The following DNAJC24 variants were observed in gnomAD, a reference collection of about 807,000 sequenced individuals.
DNAJC24 encodes the protein DnaJ heat shock protein family (Hsp40) member C24, also known as dnaJ homolog subfamily C member 24.
In DNAJC24, 17 loss-of-function variants were observed where a neutral mutation model predicts 18.0. The observed-to-expected ratio is 0.94, with a 90% confidence interval of 0.65 to 1.42. The LOEUF is 1.42. Among genes scored for constraint, DNAJC24 ranks in the 40% most tolerant of loss-of-function variants. The pLI is 0.00. For missense variants in DNAJC24, 158 were observed against 175.6 expected (o/e 0.90, Z 0.57); for synonymous variants, 55 against 57.7 (o/e 0.95, Z 0.21).
chr11:31,414,685 G>C (rs777945393), intron 2 of DNAJC24, 126 bp from the exon 3 acceptor site: 13 of 980,198 alleles, frequency 1.3e-5, no homozygotes, highest in Non-Finnish European at 1.7e-5. Context: ...TTGTCTCATT[G>C]CCTTGGCATT....
chr11:31,429,087 CATA>C (rs1952892924), intron 4 of DNAJC24, among the ~76,000 whole-genome samples: 1 of 151,880 alleles, frequency 6.6e-6, no homozygotes, highest in South Asian at 2.1e-4. Flanking sequence ...TGCTGTAGTA[CATA>C]GATGTTGGCT....
chr11:31,404,950 T>C (rs1952640433), intron 2 of DNAJC24, among the ~76,000 whole-genome samples: 1 of 152,022 alleles, frequency 6.6e-6, no homozygotes, highest in Non-Finnish European at 1.5e-5. Context: ...GATTCTGATC[T>C]CTTGTTGTTA....
intron 2 of DNAJC24, chr11:31,396,415 T>G (rs1407036082): frequency 2.7e-6 from 1 of 364,368 alleles, no homozygotes; most frequent in Admixed American, 3.6e-5. Context: ...CCCTCAATTA[T>G]ATGCAAATTT....
chr11:31,390,238 A>G (rs1044271232), intron 2 of DNAJC24, among the ~76,000 whole-genome samples: 2 of 151,980 alleles, frequency 1.3e-5, no homozygotes, highest in Admixed American at 6.6e-5. Context: ...TCTACTAAAT[A>G]TACAAAAATC....
At chr11:31,405,891 G>T (rs570298374) in intron 2 of DNAJC24, among the ~76,000 whole-genome samples, 1 of 152,172 alleles carries the variant, frequency 6.6e-6, no homozygotes, top group African/African-American at 2.4e-5. Context: ...AAACTCAAGC[G>T]CCTGCTACAT....
At chr11:31,390,705 TAAAAAA>T (rs34050503) in intron 2 of DNAJC24, among the ~76,000 whole-genome samples, 2 of 114,094 alleles carry the variant, frequency 1.8e-5, no homozygotes, top group African/African-American at 6.5e-5. Flanking sequence ...GATTCCATCT[TAAAAAA>T]AAAAAAAAAA....
intron 2 of DNAJC24, among the ~76,000 whole-genome samples, chr11:31,379,422 ATTG>A (rs1365083690): frequency 6.6e-6 from 1 of 152,166 alleles, no homozygotes; most frequent in African/African-American, 2.4e-5. Context: ...CCATGGAAAA[ATTG>A]TTTTCCACAA....
rs1345762370 is a variant in DNAJC24 at position 31,432,194 on chromosome 11, A to G, written c.*1793A>G. 9.9e-5 allele frequency among the ~76,000 whole-genome samples: 15 copies of G among 152,234 alleles called. No individual in the cohort carries two copies. The highest frequency in any genetic ancestry group is 1.5e-5 in the Non-Finnish European group (1 of 68,034). On this transcript the variant is annotated 3_prime_UTR_variant, in exon 5 of 5. Transcript: ENST00000465995. ...GCTAAAGTATGAGGTATATTTAAGAAGAATAGATTAGTTTCATTATACCTA... is the reference window on the plus strand; with the variant it reads ...GCTAAAGTATGAGGTATATTTAAGAGGAATAGATTAGTTTCATTATACCTA...
At chr11:31,392,746 G>A (rs866873545) in intron 2 of DNAJC24, among the ~76,000 whole-genome samples, 5 of 139,044 alleles carry the variant, frequency 3.6e-5, no homozygotes, top group African/African-American at 1.1e-4. Flanking sequence ...GTCTTGCTCC[G>A]TCACCCAGGC....
intron 2 of DNAJC24, among the ~76,000 whole-genome samples, chr11:31,393,554 T>C (rs1055356139): frequency 1.3e-5 from 2 of 152,054 alleles, no homozygotes; most frequent in African/African-American, 4.8e-5. Flanking sequence ...CAGTTCCCTC[T>C]TACTCTCTCT....
At chr11:31,392,857 CA>C (rs1297530477) in intron 2 of DNAJC24, among the ~76,000 whole-genome samples, 4 of 151,960 alleles carry the variant, frequency 2.6e-5, no homozygotes, top group Admixed American at 2.0e-4. Flanking sequence ...CCATGTCAGC[CA>C]GCCTGGTCTC....
At chr11:31,417,498 A>C (rs935877491) in intron 3 of DNAJC24, among the ~76,000 whole-genome samples, 1 of 152,112 alleles carries the variant, frequency 6.6e-6, no homozygotes, top group African/African-American at 2.4e-5. Flanking sequence ...AGACCAGGAT[A>C]GGTTACCGAG....
At chr11:31,412,675 C>G (rs895340542) in intron 2 of DNAJC24, among the ~76,000 whole-genome samples, 2 of 152,082 alleles carry the variant, frequency 1.3e-5, no homozygotes, top group African/African-American at 4.8e-5. Flanking sequence ...TTCCTTTTCT[C>G]CAGTGCTTAT....
chr11:31,380,407 G>A (rs1952365042), intron 2 of DNAJC24, among the ~76,000 whole-genome samples: 1 of 152,072 alleles, frequency 6.6e-6, no homozygotes, highest in Non-Finnish European at 1.5e-5. Context: ...TGAAAGTTTT[G>A]TTTTAAAATA....
rs1051431537 is a variant in DNAJC24, at chr11:31,379,408, C to G, written c.111+8549C>G. Among the ~76,000 whole-genome samples, 5 of 152,308 alleles carry G rather than the reference C, an allele frequency of 3.3e-5. No individual in the cohort carries two copies. In the South Asian group the frequency reaches 1.0e-3, roughly 32 times the overall value. ...TTCTGAAACCATACTCCCTACACCC[C>G]CATCCATGGAAAAATTGTTTTCCAC... On this transcript the variant is annotated intron_variant, in intron 2 of 4. Coordinates refer to ENST00000465995, the MANE Select transcript of DNAJC24 (RefSeq NM_181706.5).
In DNAJC24 at chr11:31,430,195, ACT is replaced by A. The variant is rs957129762; in HGVS notation, c.320-73_320-72del. On this transcript the variant is annotated intron_variant, in intron 4 of 4. Coordinates refer to ENST00000465995, the MANE Select transcript of DNAJC24 (RefSeq NM_181706.5). ...TTGTTTTACAATTCCTATGGAATAA[ACT>A]CTGCACCTTTTAAGGGTATTAGTGA... 18 of 1,314,674 alleles carry A rather than the reference ACT, an allele frequency of 1.4e-5. 1 individual carries two copies. The Admixed American group carries it at 2.0e-4, about 15-fold the overall frequency. The allele number at this position is 1,314,674 out of a possible 1,614,324, so 81.4% of individuals were successfully genotyped here. A position where few individuals can be genotyped will look rare whatever the true frequency, so the allele number is the denominator to read the frequency against.
rs1352616621 is a variant in DNAJC24, at chr11:31,396,296, A to G, written c.112-18515A>G. 4 of 454,652 alleles carry G rather than the reference A, an allele frequency of 8.8e-6. No homozygotes were observed. The Middle Eastern group carries it at 9.7e-4, about 110-fold the overall frequency. The allele number at this position is 454,652 out of a possible 1,614,324, so 28.2% of individuals were successfully genotyped here. A position where few individuals can be genotyped will look rare whatever the true frequency, so the allele number is the denominator to read the frequency against. ...TTTCTTTTCCAGGATCTATTCCTCT[A>G]TGTGATATAAATGTCACTGTGCTTC... On this transcript the variant is annotated intron_variant, in intron 2 of 4. Coordinates refer to ENST00000465995, the MANE Select transcript of DNAJC24 (RefSeq NM_181706.5).
At chr11:31,393,516 G>A (rs150175494) in intron 2 of DNAJC24, among the ~76,000 whole-genome samples, 1 of 152,172 alleles carries the variant, frequency 6.6e-6, no homozygotes, top group Admixed American at 6.5e-5. Context: ...TCATGGGTAG[G>A]ATTGGGGCCA....
chr11:31,384,761 CAA>C (rs1033671572), intron 2 of DNAJC24: 17 of 152,138 alleles, frequency 1.1e-4, no homozygotes, highest in African/African-American at 3.9e-4. Flanking sequence ...ATAATTCAGC[CAA>C]GAGTGTGGAA....
Sources: allele counts gnomAD v4.1 joint callset (sites outside exome capture counted in the v4.1 genomes callset), GRCh38; gene constraint gnomAD v4.1.1; transcripts MANE v1.5; gene names NCBI Gene and HGNC (gene_info 2026-07-23, HGNC 2026-07-21).